Variants in PSME1 observed in about 807,000 individuals in gnomAD.
The protein encoded by PSME1 is proteasome activator subunit 1.
A neutral mutation model predicts 38.4 loss-of-function variants in PSME1; 15 were observed. That is an observed-to-expected ratio of 0.39 (90% CI 0.26 to 0.60). The LOEUF is 0.60. PSME1 is among the 20% of genes least tolerant of loss of function. The probability of loss-of-function intolerance (pLI) is 0.53; values close to 1 mark genes in which losing one functional copy is unlikely to be tolerated. For synonymous variants in PSME1, 106 were observed against 106.8 expected (o/e 0.99, Z 0.05); for missense variants, 249 against 305.6 (o/e 0.81, Z 1.38).
chr14:24,136,352 C>A lies in PSME1; in HGVS notation c.39+51C>A, dbSNP rs749378350. The A allele has an allele frequency of 4.1e-6, 6 of 1,469,960 alleles. No individual in the cohort carries two copies. Among genetic ancestry groups the A allele is most frequent in the South Asian group, 1.3e-5 (1 of 75,922 alleles). 91.1% of individuals were successfully genotyped at this position (1,469,960 alleles called of 1,614,324 possible). On this transcript the variant is annotated intron_variant, in intron 1 of 10. Coordinates refer to ENST00000206451, the MANE Select transcript of PSME1 (RefSeq NM_006263.4). This position sits in a 1 kb window ranked among gnomAD's most constrained non-coding sequence, Gnocchi z 4.8. ...GCCCACTGGGGAGGCGTGGCTGGAG[C>A]GGCCGGGGGCATCCCCGACCCGCCC...
At position 24,136,987 on chromosome 14, in the gene PSME1, G is replaced by A; in HGVS notation, c.42G>A (p.Val14=). ...LRVQPEAQAK[V]DVFREDLCTK... Reference sequence around the variant, plus strand: ...GAAGGGATGCGTGTGCCCCACAGGTGGATGTGTTTCGTGAAGACCTCTGTA... The same window carrying A: ...GAAGGGATGCGTGTGCCCCACAGGTAGATGTGTTTCGTGAAGACCTCTGTA... The change falls in exon 2 of 11, where the codon GTG becomes GTA. Residue 14 remains valine, a splice_region_variant and synonymous_variant. Coordinates refer to ENST00000206451, the MANE Select transcript of PSME1 (RefSeq NM_006263.4). This position sits in a 1 kb window ranked among gnomAD's most constrained non-coding sequence, Gnocchi z 4.8. 3 of 1,614,160 alleles carry A rather than the reference G, an allele frequency of 1.9e-6. No homozygotes were observed. In the South Asian group the frequency reaches 3.3e-5, roughly 18 times the overall value.
chr14:24,138,449 C>T, intron 9 of PSME1, 25 bp from the exon 10 acceptor site: 9 of 1,614,134 alleles, frequency 5.6e-6, no homozygotes, highest in African/African-American at 1.3e-5. Flanking sequence ...CATGTAAGGT[C>T]AGGCCTGACC....
chr14:24,137,592 A>T (rs773834386), intron 5 of PSME1, 27 bp downstream of exon 5: 17 of 1,613,682 alleles, frequency 1.1e-5, no homozygotes, highest in Non-Finnish European at 1.4e-5. Flanking sequence ...TGGTGGGAAG[A>T]GACTTGAGTC....
intron 7 of PSME1, 25 bp from the exon 8 acceptor site, chr14:24,138,171 T>G (rs1309824508): frequency 1.2e-6 from 2 of 1,614,154 alleles, no homozygotes; most frequent in South Asian, 2.2e-5. Context: ...TTCCTTCCAC[T>G]TTCCCCCTTG....
In PSME1 at chr14:24,136,335, G is replaced by A. The variant is rs537620377; in HGVS notation, c.39+34G>A. On this transcript the variant is annotated intron_variant, in intron 1 of 10. Coordinates refer to ENST00000206451, the MANE Select transcript of PSME1 (RefSeq NM_006263.4). This position sits in a 1 kb window ranked among gnomAD's most constrained non-coding sequence, Gnocchi z 4.8. ...CGCGGGGTCTAGAAAGGGCCCACTG[G>A]GGAGGCGTGGCTGGAGCGGCCGGGG... The A allele has an allele frequency of 2.0e-6, 3 of 1,499,606 alleles. No individual in the cohort carries two copies. The highest frequency in any genetic ancestry group is 5.8e-5 in the East Asian group (2 of 34,418). The allele number at this position is 1,499,606 out of a possible 1,614,324, so 92.9% of individuals were successfully genotyped here. A position where few individuals can be genotyped will look rare whatever the true frequency, so the allele number is the denominator to read the frequency against.
At chr14:24,137,092 C>T (rs773004553) in intron 2 of PSME1, 51 bp from the exon 3 acceptor site, 40 of 1,613,488 alleles carry the variant, frequency 2.5e-5, no homozygotes, top group Middle Eastern at 1.6e-4. Flanking sequence ...CTACCTAGGA[C>T]GGGCATTTGA....
In PSME1 at chr14:24,136,402, G is replaced by A. The variant is rs1341986542; in HGVS notation, c.39+101G>A. 9 of 1,237,770 alleles carry A rather than the reference G, an allele frequency of 7.3e-6. No individual in the cohort carries two copies. The highest frequency in any genetic ancestry group is 8.5e-6 in the Non-Finnish European group (8 of 941,250). 76.7% of individuals were successfully genotyped at this position (1,237,770 alleles called of 1,614,324 possible). On this transcript the variant is annotated intron_variant, in intron 1 of 10. Coordinates refer to ENST00000206451, the MANE Select transcript of PSME1 (RefSeq NM_006263.4). The surrounding 1 kb of genome is among the most constrained non-coding windows in gnomAD (Gnocchi z 4.8). ...CCCCAGGCTCCCACGCGAGTCGGGG[G>A]CAGTCGGCCGAGCTGGCGCGCCCGG...
At chr14:24,137,057 ACTC>A in intron 2 of PSME1, 40 bp downstream of exon 2, 2 of 1,613,632 alleles carry the variant, frequency 1.2e-6, no homozygotes, top group South Asian at 2.2e-5. Flanking sequence ...CCCCTGCCCA[ACTC>A]CTACTGCTCA....
chr14:24,138,492 G>A lies in PSME1; in HGVS notation c.601G>A (p.Val201Met). ...QPHVGDYRQLVHELDEAEYRD... is the reference protein window; with the variant it reads ...QPHVGDYRQLMHELDEAEYRD... ...CCCACAGGGTGATTATCGGCAGCTG[G>A]TGCACGAGCTGGATGAGGCAGAGTA... is the stretch of plus-strand genomic sequence containing the variant. Residue 201 changes from valine (V) to methionine (M), a missense_variant, in exon 10 of 11, where the codon GTG becomes ATG. By Grantham distance (21) the Val-to-Met change is conservative. Transcript: ENST00000206451. 6.2e-7 allele frequency: 1 copy of A among 1,614,054 alleles called. No homozygotes were observed. Among genetic ancestry groups the A allele is most frequent in the Non-Finnish European group, 8.5e-7 (1 of 1,180,034 alleles).
At position 24,136,522 on chromosome 14, in the gene PSME1, G is replaced by A. The variant is rs1224167679; in HGVS notation, c.39+221G>A. 2.6e-5 allele frequency among the ~76,000 whole-genome samples: 4 copies of A among 152,172 alleles called. No individual in the cohort carries two copies. The highest frequency in any genetic ancestry group is 5.9e-5 in the Non-Finnish European group (4 of 68,012). On this transcript the variant is annotated intron_variant, in intron 1 of 10. Transcript: ENST00000206451. The surrounding 1 kb of genome is among the most constrained non-coding windows in gnomAD (Gnocchi z 4.8). ...GGGTGAGGTGAAGCGGAGAGCTGGC[G>A]TGGAGGGGAACTCCGCTGGCCTGGG...
At position 24,137,770 on chromosome 14, in the gene PSME1, C is replaced by G. The variant is rs1226344948; in HGVS notation, c.363C>G (p.Ile121Met). ...TTCTGCAGCGCTTGAAGCCTGAGAT[C>G]AAGGATGTCATTGAGCAGCTCAACC... ...VVLLQRLKPE[I>M]KDVIEQLNLV... The change falls in exon 6 of 11, where the codon ATC becomes ATG. Residue 121 changes from isoleucine (I) to methionine (M), a missense_variant. By Grantham distance (10) the Ile-to-Met change is conservative (BLOSUM62 1). Coordinates refer to ENST00000206451, the MANE Select transcript of PSME1 (RefSeq NM_006263.4). The G allele has an allele frequency of 6.2e-7, 1 of 1,614,182 alleles. No homozygotes were observed. Among genetic ancestry groups the G allele is most frequent in the South Asian group, 1.1e-5 (1 of 91,058 alleles).
intron 2 of PSME1, 47 bp downstream of exon 2, chr14:24,137,064 C>G: frequency 6.2e-7 from 1 of 1,614,090 alleles, no homozygotes; most frequent in Non-Finnish European, 8.5e-7. Context: ...CCAACTCCTA[C>G]TGCTCAACCC....
chr14:24,136,359 G>T lies in PSME1; in HGVS notation c.39+58G>T. Reference sequence around the variant, plus strand: ...GGGGAGGCGTGGCTGGAGCGGCCGGGGGCATCCCCGACCCGCCCCCCAGGC... The same window carrying T: ...GGGGAGGCGTGGCTGGAGCGGCCGGTGGCATCCCCGACCCGCCCCCCAGGC... On this transcript the variant is annotated intron_variant, in intron 1 of 10. Transcript: ENST00000206451. The surrounding 1 kb of genome is among the most constrained non-coding windows in gnomAD (Gnocchi z 4.8). 2.1e-6 allele frequency: 3 copies of T among 1,456,804 alleles called. No individual in the cohort carries two copies. Among genetic ancestry groups the T allele is most frequent in the Non-Finnish European group, 2.7e-6 (3 of 1,099,094 alleles). The allele number at this position is 1,456,804 out of a possible 1,614,324, so 90.2% of individuals were successfully genotyped here. A position where few individuals can be genotyped will look rare whatever the true frequency, so the allele number is the denominator to read the frequency against.
rs1484462670 is a variant in PSME1 at position 24,137,145 on chromosome 14, A to T, written c.75A>T (p.Thr25=). ...CTCCACCCCCACCTCACACACAGACAGAGAACCTGCTCGGGAGCTATTTCC... is the reference window on the plus strand; with the variant it reads ...CTCCACCCCCACCTCACACACAGACTGAGAACCTGCTCGGGAGCTATTTCC... ...DVFREDLCTK[T]ENLLGSYFPK... The change falls in exon 3 of 11, where the codon ACA becomes ACT. Residue 25 remains threonine, a splice_region_variant and synonymous_variant. Transcript: ENST00000206451. 1 of 1,614,178 alleles carries T rather than the reference A, an allele frequency of 6.2e-7. No individual in the cohort carries two copies. Among genetic ancestry groups the T allele is most frequent in the Non-Finnish European group, 8.5e-7 (1 of 1,180,010 alleles).
Position 24,136,233 on chromosome 14 carries a change from T to G in PSME1, c.-30T>G, listed in dbSNP as rs1238925798. 6.6e-7 allele frequency: 1 copy of G among 1,517,664 alleles called. No homozygotes were observed. The highest frequency in any genetic ancestry group is 1.2e-5 in the South Asian group (1 of 80,364). 94.0% of individuals were successfully genotyped at this position (1,517,664 alleles called of 1,614,324 possible). On this transcript the variant is annotated 5_prime_UTR_variant, in exon 1 of 11. Coordinates refer to ENST00000206451, the MANE Select transcript of PSME1 (RefSeq NM_006263.4). This position sits in a 1 kb window ranked among gnomAD's most constrained non-coding sequence, Gnocchi z 4.8. ...CCCTTCGCGGTGCCCACTCCACTCC[T>G]TGTGCGGCGCTAGGCCCCCCGTCCC...
At position 24,138,198 on chromosome 14, in the gene PSME1, GAAGGTGTTTGA is replaced by G. The variant is rs1405862290; in HGVS notation, c.463_473del (p.Lys155AlafsTer18). ...TCCCCCTTGCTTTTTTTCCCTAGGA[GAAGGTGTTTGA>G]GCTGATGACCAGCCTCCACACCAAG... On this transcript the variant is annotated frameshift_variant, in exon 8 of 11. Coordinates refer to ENST00000206451, the MANE Select transcript of PSME1 (RefSeq NM_006263.4). LOFTEE classifies it high-confidence loss of function. 7 of 1,614,002 alleles carry G rather than the reference GAAGGTGTTTGA, an allele frequency of 4.3e-6. No individual in the cohort carries two copies. The highest frequency in any genetic ancestry group is 5.9e-6 in the Non-Finnish European group (7 of 1,180,022).
chr14:24,136,198 CT>C lies in PSME1; in HGVS notation c.-62del. The C allele has an allele frequency of 6.7e-7, 1 of 1,494,064 alleles. No homozygotes were observed. The highest frequency in any genetic ancestry group is 9.0e-7 in the Non-Finnish European group (1 of 1,114,778). The allele number at this position is 1,494,064 out of a possible 1,614,324, so 92.6% of individuals were successfully genotyped here. On this transcript the variant is annotated 5_prime_UTR_variant, in exon 1 of 11. Transcript: ENST00000206451. The surrounding 1 kb of genome is among the most constrained non-coding windows in gnomAD (Gnocchi z 4.8). ...GGAGCTGGGTGCGAGCGCCCTACCG[CT>C]TTCGCTTTCCCTTCGCGGTGCCCAC...
At chr14:24,137,452 A>C in intron 4 of PSME1, 21 bp downstream of exon 4, 1 of 1,614,074 alleles carries the variant, frequency 6.2e-7, no homozygotes. Context: ...AAGACCTGGG[A>C]GAAGGGATCC....
chr14:24,137,949 G>C, intron 6 of PSME1, 100 bp from the exon 7 acceptor site: 1 of 1,511,700 alleles, frequency 6.6e-7, no homozygotes, highest in East Asian at 2.3e-5. Context: ...GGATAGACCC[G>C]GCACGCCTCC....
Sources: gnomAD v4.1 joint callset for allele counts (sites outside exome capture counted in the v4.1 genomes callset) on GRCh38, gnomAD v4.1.1 for gene constraint, Gnocchi (gnomAD v3.1) non-coding constraint, MANE v1.5 for transcripts, NCBI Gene and HGNC (gene_info 2026-07-23, HGNC 2026-07-21) for gene names.